PCDHA11: variants seen among roughly 807,000 people sequenced by gnomAD.
The protein encoded by PCDHA11 is protocadherin alpha 11.
Under a neutral mutation model 70.3 loss-of-function variants are expected in PCDHA11, and 61 were observed. The ratio of observed to expected loss-of-function variants is 0.87; its 90% CI spans 0.71 to 1.07. The LOEUF is 1.07. PCDHA11 is among the 50% of genes least tolerant of loss of function. The pLI, the probability that PCDHA11 is intolerant of heterozygous loss-of-function variation, is 0.00. For missense variants in PCDHA11, 1,324 were observed against 1,237.5 expected, an observed-to-expected ratio of 1.07 and a Z score of -1.05; for synonymous variants, 633 against 555.1, an observed-to-expected ratio of 1.14 and a Z score of -1.97.
intron 1 of PCDHA11, among the ~76,000 whole-genome samples, chr5:140,956,370 A>G (rs1229960310): frequency 6.6e-6 from 1 of 152,152 alleles, no homozygotes; most frequent in East Asian, 1.9e-4. Context: ...GGGATGTTGA[A>G]TTTTATCGAA....
intron 1 of PCDHA11, among the ~76,000 whole-genome samples, chr5:140,940,295 G>A (rs1363509137): frequency 5.3e-5 from 8 of 152,110 alleles, no homozygotes; most frequent in Non-Finnish European, 1.0e-4. Flanking sequence ...TGCTTCATCA[G>A]TAATTTATTA....
intron 3 of PCDHA11, among the ~76,000 whole-genome samples, chr5:140,985,878 T>C (rs891027308): frequency 6.6e-6 from 1 of 151,706 alleles, no homozygotes; most frequent in Non-Finnish European, 1.5e-5. Flanking sequence ...TAGCTGGGAC[T>C]ACAGGCGCCC....
chr5:140,936,054 G>A (rs1198755229), intron 1 of PCDHA11, among the ~76,000 whole-genome samples: 2 of 151,770 alleles, frequency 1.3e-5, no homozygotes, highest in Non-Finnish European at 1.5e-5. Flanking sequence ...CACCACACCC[G>A]GCTAATTTTT....
At chr5:140,877,926 G>T (rs1554170225) in intron 1 of PCDHA11, 1 of 1,415,760 alleles carries the variant, frequency 7.1e-7, no homozygotes, top group East Asian at 2.5e-5. Flanking sequence ...TTTTCTTTAT[G>T]ATTCTATCCT....
intron 1 of PCDHA11, among the ~76,000 whole-genome samples, chr5:140,949,517 C>T (rs2094387959): frequency 6.6e-6 from 1 of 151,706 alleles, no homozygotes; most frequent in African/African-American, 2.4e-5. Context: ...TTTATTGATC[C>T]TTTTATCTTC....
intron 1 of PCDHA11, chr5:140,876,581 C>G (rs782654448): frequency 1.9e-6 from 3 of 1,614,200 alleles, no homozygotes; most frequent in Non-Finnish European, 2.5e-6. Flanking sequence ...ACCGTCATTG[C>G]CCTGATTAGC....
chr5:140,890,259 T>C (rs1303485467), intron 1 of PCDHA11, among the ~76,000 whole-genome samples: 2 of 152,140 alleles, frequency 1.3e-5, no homozygotes, highest in Admixed American at 6.6e-5. Flanking sequence ...CTGCACCTGA[T>C]TGCAAGCAAG....
chr5:140,871,692 C>A, intron 1 of PCDHA11, 198 bp downstream of exon 1: 2 of 997,190 alleles, frequency 2.0e-6, no homozygotes, highest in Non-Finnish European at 2.9e-6. Flanking sequence ...AATCTGGCTT[C>A]TTTAACCAAT....
intron 1 of PCDHA11, chr5:140,882,766 G>C (rs782330844): frequency 6.2e-7 from 1 of 1,614,184 alleles, no homozygotes; most frequent in Non-Finnish European, 8.5e-7. Context: ...GAGTAAACTC[G>C]GCATTGACCT....
chr5:140,896,194 T>G (rs2065426928), intron 1 of PCDHA11, among the ~76,000 whole-genome samples: 2 of 152,244 alleles, frequency 1.3e-5, no homozygotes, highest in Middle Eastern at 3.2e-3. Flanking sequence ...AATAGTGCCA[T>G]GATGAACATA....
chr5:140,873,453 A>G (rs1454430298), intron 1 of PCDHA11, among the ~76,000 whole-genome samples: 2 of 152,180 alleles, frequency 1.3e-5, no homozygotes, highest in Non-Finnish European at 2.9e-5. Context: ...ACAAATTTGC[A>G]TTTTAGATAA....
chr5:140,995,606 C>G (rs532220927), intron 3 of PCDHA11, among the ~76,000 whole-genome samples: 30 of 152,102 alleles, frequency 2.0e-4, no homozygotes, highest in Non-Finnish European at 3.7e-4. Context: ...TTTTTCTTCT[C>G]CCAAACCAAA....
At chr5:140,918,309 T>C (rs2078629927) in intron 1 of PCDHA11, among the ~76,000 whole-genome samples, 1 of 152,186 alleles carries the variant, frequency 6.6e-6, no homozygotes, top group Non-Finnish European at 1.5e-5. Context: ...TAGGGTTTTC[T>C]AGGTATAAAA....
intron 1 of PCDHA11, among the ~76,000 whole-genome samples, chr5:140,894,202 A>G (rs1554185980): frequency 6.6e-6 from 1 of 152,034 alleles, no homozygotes. Context: ...TTTCTATGCT[A>G]TTATATTCTC....
chr5:140,920,511 A>G (rs564811520), intron 1 of PCDHA11, among the ~76,000 whole-genome samples: 1 of 152,284 alleles, frequency 6.6e-6, no homozygotes, highest in East Asian at 1.9e-4. Flanking sequence ...ATACTGTTTT[A>G]TGCAATTCGT....
At chr5:140,928,656 T>C in intron 1 of PCDHA11, 1 of 1,614,232 alleles carries the variant, frequency 6.2e-7, no homozygotes, top group Middle Eastern at 1.6e-4. Flanking sequence ...CAGAGGATGC[T>C]GACAGTGGTT....
intron 1 of PCDHA11, among the ~76,000 whole-genome samples, chr5:140,951,512 C>T (rs2094592870): frequency 6.6e-6 from 1 of 152,004 alleles, no homozygotes; most frequent in Non-Finnish European, 1.5e-5. Context: ...GAAAGCGGCT[C>T]ATCTTACATG....
intron 1 of PCDHA11, among the ~76,000 whole-genome samples, chr5:140,908,393 A>G (rs1295544122): frequency 2.0e-5 from 3 of 152,132 alleles, no homozygotes; most frequent in Non-Finnish European, 4.4e-5. Context: ...CCGATCACAT[A>G]TATACCACTT....
At chr5:140,983,734 G>A (rs1194473513) in intron 3 of PCDHA11, among the ~76,000 whole-genome samples, 15 of 152,170 alleles carry the variant, frequency 9.9e-5, no homozygotes, top group African/African-American at 3.4e-4. Context: ...TAACATGGCT[G>A]GCTTGCAATA....
Sources: allele counts gnomAD v4.1 joint callset (sites outside exome capture counted in the v4.1 genomes callset), GRCh38; gene constraint gnomAD v4.1.1; transcripts MANE v1.5; gene names NCBI Gene and HGNC (gene_info 2026-07-23, HGNC 2026-07-21).